Variants in CD5 observed in about 807,000 individuals in gnomAD.
The protein encoded by CD5 is CD5 molecule.
CD5 carries 36 observed loss-of-function variants against 60.3 expected under a neutral mutation model. The ratio of observed to expected loss-of-function variants is 0.60; its 90% CI spans 0.46 to 0.79. The LOEUF is 0.79. Ranked by LOEUF, CD5 falls within the 30% of genes least tolerant of loss-of-function variation. The pLI, the probability that CD5 is intolerant of heterozygous loss-of-function variation, is 0.00. For missense variants in CD5, 540 were observed against 630.6 expected, an observed-to-expected ratio of 0.86 and a Z score of 1.54; for synonymous variants, 230 against 257.6, an observed-to-expected ratio of 0.89 and a Z score of 1.03.
At chr11:61,096,933 C>T in the CD5 span, among the ~76,000 whole-genome samples, 6 of 152,154 alleles carry the variant, frequency 3.9e-5, no homozygotes, top group Admixed American at 6.5e-5. Flanking sequence ...TCCTCTCAGG[C>T]GCTTGACAGC....
At chr11:61,125,698 G>T (rs1861138515) in intron 9 of CD5, 53 bp from the exon 10 acceptor site, 1 of 1,329,104 alleles carries the variant, frequency 7.5e-7, no homozygotes, top group African/African-American at 1.4e-5. Flanking sequence ...TAGGATCCAA[G>T]GGGCTCTGTG....
chr11:61,098,639 A>G (rs1860614434), upstream of CD5, among the ~76,000 whole-genome samples: 1 of 152,176 alleles, frequency 6.6e-6, no homozygotes, highest in Admixed American at 6.5e-5. Context: ...GCCCCCAGTC[A>G]TGTACCCCCT....
intron 1 of CD5, among the ~76,000 whole-genome samples, chr11:61,111,679 G>A (rs1021526719): frequency 2.6e-5 from 4 of 152,362 alleles, no homozygotes; most frequent in Admixed American, 6.5e-5. Flanking sequence ...CCATCTGCGC[G>A]AAGTTTCCAA....
At chr11:61,115,168 G>C (rs1204146357) in intron 2 of CD5, 74 bp downstream of exon 2, 1 of 1,381,046 alleles carries the variant, frequency 7.2e-7, no homozygotes, top group African/African-American at 1.4e-5. Flanking sequence ...GGCCATCGGG[G>C]ACCTCTCGAT....
At position 61,118,619 on chromosome 11, in the gene CD5, C is replaced by G; in HGVS notation, c.400+139C>G. 1.2e-6 allele frequency: 1 copy of G among 811,236 alleles called. No homozygotes were observed. The highest frequency in any genetic ancestry group is 1.7e-5 in the African/African-American group (1 of 58,010). 50.3% of individuals were successfully genotyped at this position (811,236 alleles called of 1,614,324 possible). A position where few individuals can be genotyped will look rare whatever the true frequency, so the allele number is the denominator to read the frequency against. On this transcript the variant is annotated intron_variant, in intron 3 of 10. Transcript: ENST00000347785. The surrounding 1 kb of genome is among the most constrained non-coding windows in gnomAD (Gnocchi z 4.7). ...CCCAGTTTATAACCACTCCCCAAGA[C>G]ACATACCCAGGAGGGGGACTGGAAG...
chr11:61,125,042 TCG>T lies in CD5; in HGVS notation c.1292_1293del (p.Arg431GlnfsTer11). On this transcript the variant is annotated frameshift_variant, in exon 9 of 11. Transcript: ENST00000347785. LOFTEE classifies it high-confidence loss of function. ...TGMNQNMSFHRNHTATVRSHA... is the reference protein window; with the variant it reads ...TGMNQNMSFHXNHTATVRSHA... ...CTACCATCTGCCCAGTGTCTTTCCA[TCG>T]CAACCACACGGCAACCGTCCGATCC... is the stretch of plus-strand genomic sequence containing the variant. The T allele has an allele frequency of 6.2e-7, 1 of 1,614,032 alleles. No individual in the cohort carries two copies. Among genetic ancestry groups the T allele is most frequent in the Non-Finnish European group, 8.5e-7 (1 of 1,179,972 alleles).
chr11:61,125,206 A>C (rs1377990907), intron 9 of CD5, 55 bp downstream of exon 9: 17 of 1,607,704 alleles, frequency 1.1e-5, no homozygotes, highest in Non-Finnish European at 1.4e-5. Flanking sequence ...CAGGCCGCCA[A>C]GGCAGGTCAC....
intron 5 of CD5, among the ~76,000 whole-genome samples, chr11:61,121,023 C>T (rs1170406638): frequency 1.3e-5 from 2 of 152,248 alleles, no homozygotes; most frequent in African/African-American, 4.8e-5. Context: ...TCCCAGGCCC[C>T]ACCCTGGCAG....
chr11:61,095,878 T>C, the CD5 span, among the ~76,000 whole-genome samples: 1 of 152,244 alleles, frequency 6.6e-6, no homozygotes, highest in Non-Finnish European at 1.5e-5. Context: ...AATCAGCCCA[T>C]GATTAACATG....
chr11:61,123,921 G>C lies in CD5; in HGVS notation c.1263G>C (p.Thr421=), dbSNP rs535506076. The change falls in exon 8 of 11, where the codon ACG becomes ACC. Residue 421 remains threonine (T), a synonymous_variant. Transcript: ENST00000347785. ...QKKQRQWIGP[T]GMNQNMSFHR... ...AGCAGCGCCAGTGGATTGGCCCAAC[G>C]GGAATGAACCAAAACAGTAAGTGTC... 6.2e-7 allele frequency: 1 copy of C among 1,606,234 alleles called. No individual in the cohort carries two copies. The highest frequency in any genetic ancestry group is 1.7e-5 in the Admixed American group (1 of 59,648).
rs1343140592 is a variant in CD5 at position 61,121,653 on chromosome 11, G to C, written c.848G>C (p.Ser283Thr). The C allele has an allele frequency of 1.9e-6, 3 of 1,552,040 alleles. No individual in the cohort carries two copies. The highest frequency in any genetic ancestry group is 2.3e-5 in the East Asian group (1 of 43,200). Residue 283 changes from serine to threonine, a missense_variant, in exon 6 of 11, where the codon AGC becomes ACC. Coordinates refer to ENST00000347785, the MANE Select transcript of CD5 (RefSeq NM_014207.4). ...CAGAGCCGTCTGGTGGGGGGCAGCA[G>C]CATCTGTGAAGGCACCGTGGAGGTG... ...KVQSRLVGGS[S>T]ICEGTVEVRQ...
chr11:61,107,306 C>A (rs1398534269), intron 1 of CD5, among the ~76,000 whole-genome samples: 1 of 152,154 alleles, frequency 6.6e-6, no homozygotes. Flanking sequence ...GCCACGAGGG[C>A]CACGGATGCC....
chr11:61,100,046 T>TCA (rs1228545586), upstream of CD5, among the ~76,000 whole-genome samples: 2 of 108,336 alleles, frequency 1.8e-5, no homozygotes, highest in African/African-American at 7.6e-5. Flanking sequence ...GACATGGAGA[T>TCA]CACACACACA....
Position 61,118,946 on chromosome 11 carries a change from G to GCC in CD5, c.436_437dup (p.Pro147ArgfsTer65). The GCC allele has an allele frequency of 6.2e-7, 1 of 1,613,706 alleles. No homozygotes were observed. The highest frequency in any genetic ancestry group is 8.5e-7 in the Non-Finnish European group (1 of 1,179,842). On this transcript the variant is annotated frameshift_variant, in exon 4 of 11. Coordinates refer to ENST00000347785, the MANE Select transcript of CD5 (RefSeq NM_014207.4). LOFTEE classifies it high-confidence loss of function. The surrounding 1 kb of genome is among the most constrained non-coding windows in gnomAD (Gnocchi z 4.7). ...AGAAGACAACACCTCCAACGACAAG[G>GCC]CCCCCGCCCACCACAACTCCAGAGC...
At chr11:61,108,325 G>T (rs554944776) in intron 1 of CD5, among the ~76,000 whole-genome samples, 1 of 152,194 alleles carries the variant, frequency 6.6e-6, no homozygotes, top group Non-Finnish European at 1.5e-5. Flanking sequence ...CCCACTGTCC[G>T]CTCACTGGGA....
In CD5 at chr11:61,127,334, GGC is replaced by G. The variant is rs1861162660; in HGVS notation, c.*1050_*1051del. 3.3e-5 allele frequency: 1 copy of G among 30,122 alleles called. No individual in the cohort carries two copies. The highest frequency in any genetic ancestry group is 3.1e-3 in the South Asian group (1 of 322). The allele number at this position is 30,122 out of a possible 1,614,324, so 1.9% of individuals were successfully genotyped here. On this transcript the variant is annotated 3_prime_UTR_variant, in exon 11 of 11. Coordinates refer to ENST00000347785, the MANE Select transcript of CD5 (RefSeq NM_014207.4). ...GAGGCCAGGCGCAGCTCACTGCGGCGGCTCCCTAAGAAGGTGAAGCAACATGG... is the reference window on the plus strand; with the variant it reads ...GAGGCCAGGCGCAGCTCACTGCGGCGTCCCTAAGAAGGTGAAGCAACATGG...
chr11:61,094,365 G>A, the CD5 span, among the ~76,000 whole-genome samples: 1 of 152,146 alleles, frequency 6.6e-6, no homozygotes, highest in African/African-American at 2.4e-5. Context: ...TGGAAGCATG[G>A]CCCAATCACC....
upstream of CD5, among the ~76,000 whole-genome samples, chr11:61,099,414 C>CACACACATCAACATGGAGATTACACAG: frequency 1.1e-5 from 1 of 91,204 alleles, no homozygotes; most frequent in African/African-American, 3.7e-5. Context: ...GGAAATCACA[C>CACACACATCAACATGGAGATTACACAG]ACATCAACAT....
At chr11:61,097,987 T>C (rs112557331), upstream of CD5, among the ~76,000 whole-genome samples, 76 of 151,934 alleles carry the variant, frequency 5.0e-4, 1 homozygote, top group African/African-American at 1.8e-3. Flanking sequence ...GAAGGAGGGG[T>C]CTATGGGAAA....
Sources: gnomAD v4.1 joint callset for allele counts (sites outside exome capture counted in the v4.1 genomes callset) on GRCh38, gnomAD v4.1.1 for gene constraint, Gnocchi (gnomAD v3.1) non-coding constraint, MANE v1.5 for transcripts, NCBI Gene and HGNC (gene_info 2026-07-23, HGNC 2026-07-21) for gene names.